Variants in DPP4 observed in about 807,000 individuals in gnomAD.
DPP4 encodes dipeptidyl peptidase 4, also known as ADCP-2.
DPP4 carries 93 observed loss-of-function variants against 122.4 expected under a neutral mutation model. The observed-to-expected ratio is 0.76, with a 90% CI of 0.64 to 0.90. DPP4 has a LOEUF of 0.90. Ranked by LOEUF, DPP4 falls within the 40% of genes least tolerant of loss-of-function variation. DPP4 has a pLI of 0.00. For missense variants in DPP4, 914 were observed against 907.3 expected (o/e 1.01, Z -0.09); for synonymous variants, 321 against 302.9 (o/e 1.06, Z -0.62).
chr2:162,045,261 A>G (rs945186628), intron 5 of DPP4, among the ~76,000 whole-genome samples: 5 of 152,324 alleles, frequency 3.3e-5, no homozygotes, highest in Admixed American at 2.6e-4. Flanking sequence ...GTGTAAGTAC[A>G]AATTTTTATT....
intron 10 of DPP4, among the ~76,000 whole-genome samples, chr2:162,028,521 T>C (rs747442291): frequency 1.8e-4 from 27 of 152,204 alleles, no homozygotes; most frequent in Non-Finnish European, 3.5e-4. Context: ...TGAGTAGCTT[T>C]CTTATGTAAT....
chr2:161,997,698 G>T (rs144690556), intron 23 of DPP4, among the ~76,000 whole-genome samples: 223 of 152,230 alleles, frequency 1.5e-3, no homozygotes, highest in African/African-American at 5.2e-3. Flanking sequence ...TGTGCCTGTC[G>T]CTGTGTTAAG....
chr2:162,051,062 A>C (rs1684365942), intron 2 of DPP4, among the ~76,000 whole-genome samples: 1 of 152,212 alleles, frequency 6.6e-6, no homozygotes, highest in Admixed American at 6.5e-5. Flanking sequence ...TCTTTAATTT[A>C]AAAATAAAAA....
At chr2:162,046,845 C>T (rs746012758) in intron 4 of DPP4, 70 bp downstream of exon 4, 51 of 989,354 alleles carry the variant, frequency 5.2e-5, no homozygotes, top group South Asian at 1.1e-4. Context: ...TGACAGTACT[C>T]GTGATTCCAA....
intron 23 of DPP4, among the ~76,000 whole-genome samples, chr2:162,003,196 G>A (rs986435560): frequency 1.3e-5 from 2 of 152,172 alleles, no homozygotes; most frequent in African/African-American, 2.4e-5. Context: ...CCCAGTGTGC[G>A]TGTGTTGCCA....
chr2:161,993,524 T>C, intron 25 of DPP4, 140 bp from the exon 26 acceptor site: 1 of 599,436 alleles, frequency 1.7e-6, no homozygotes, highest in Non-Finnish European at 2.9e-6. Flanking sequence ...GTTTATAAAC[T>C]GAAACGGGGT....
At chr2:162,043,280 G>A (rs560635443) in intron 5 of DPP4, among the ~76,000 whole-genome samples, 2 of 152,150 alleles carry the variant, frequency 1.3e-5, no homozygotes, top group Non-Finnish European at 2.9e-5. Context: ...GTGTTCAGCC[G>A]GGCAGACTGT....
At chr2:162,031,595 C>T (rs114874471) in intron 10 of DPP4, among the ~76,000 whole-genome samples, 2,833 of 152,166 alleles carry the variant, frequency 0.019, 31 homozygotes, top group African/African-American at 0.03. Context: ...CTGTTTTTTC[C>T]GCCTCAGTGT....
At chr2:162,027,631 G>A (rs1181926196) in intron 10 of DPP4, among the ~76,000 whole-genome samples, 1 of 152,164 alleles carries the variant, frequency 6.6e-6, no homozygotes, top group Non-Finnish European at 1.5e-5. Context: ...AAGTGCTCTG[G>A]TAGAGCGAAG....
At chr2:162,002,924 C>T (rs1383328014) in intron 23 of DPP4, among the ~76,000 whole-genome samples, 1 of 152,184 alleles carries the variant, frequency 6.6e-6, no homozygotes, top group Non-Finnish European at 1.5e-5. Context: ...CTCCACATTT[C>T]GGAGGAAGCA....
intron 6 of DPP4, 26 bp from the exon 7 acceptor site, chr2:162,039,047 T>C (rs1042126425): frequency 1.2e-6 from 2 of 1,612,950 alleles, no homozygotes; most frequent in East Asian, 4.5e-5. Context: ...AAGGAAATAT[T>C]ATCAAAAAGA....
Position 162,047,443 on chromosome 2 carries a change from AT to A in DPP4, c.152del (p.Asn51IlefsTer5). ...KTYTLTDYLK[N>X]TYRLKLYSLR... ...AGGAGTATAACTTCAGTCTATAAGT[AT>A]TTTTTAAGTAATCAGTTAGAGTGTA... is the stretch of plus-strand genomic sequence containing the variant. On this transcript the variant is annotated frameshift_variant, in exon 3 of 26. Coordinates refer to ENST00000360534, the MANE Select transcript of DPP4 (RefSeq NM_001935.4). LOFTEE classifies it high-confidence loss of function. 2 of 1,588,188 alleles carry A rather than the reference AT, an allele frequency of 1.3e-6. No homozygotes were observed. The highest frequency in any genetic ancestry group is 1.1e-5 in the South Asian group (1 of 87,564).
intron 23 of DPP4, among the ~76,000 whole-genome samples, chr2:162,002,247 T>C (rs930108081): frequency 6.6e-6 from 1 of 152,228 alleles, no homozygotes; most frequent in African/African-American, 2.4e-5. Context: ...TCTAATTCCC[T>C]TTCCTCAATG....
At chr2:162,042,193 C>G (rs1389907906) in intron 5 of DPP4, among the ~76,000 whole-genome samples, 1 of 152,194 alleles carries the variant, frequency 6.6e-6, no homozygotes, top group Non-Finnish European at 1.5e-5. Context: ...TCTAAGCTTC[C>G]ATTTTCTTTT....
intron 23 of DPP4, among the ~76,000 whole-genome samples, chr2:162,000,769 T>C (rs560069283): frequency 6.6e-6 from 1 of 152,322 alleles, no homozygotes; most frequent in Admixed American, 6.5e-5. Context: ...TTCTGTGTGT[T>C]CCAGGCTGCC....
At chr2:162,033,352 T>G (rs983336697) in intron 10 of DPP4, among the ~76,000 whole-genome samples, 189 bp downstream of exon 10, 2 of 152,178 alleles carry the variant, frequency 1.3e-5, no homozygotes, top group Non-Finnish European at 2.9e-5. Context: ...CATCCTCATC[T>G]CTAGAGTTGT....
intron 22 of DPP4, among the ~76,000 whole-genome samples, chr2:162,006,012 G>T (rs1187797993): frequency 6.6e-6 from 1 of 152,106 alleles, no homozygotes; most frequent in Admixed American, 6.6e-5. Flanking sequence ...TACTTGGTTT[G>T]CTAATATAGC....
At chr2:162,058,528 A>G (rs1559725266) in intron 2 of DPP4, among the ~76,000 whole-genome samples, 1 of 152,246 alleles carries the variant, frequency 6.6e-6, no homozygotes, top group Non-Finnish European at 1.5e-5. Flanking sequence ...CCAAGAGGTC[A>G]TCCTCAAGCT....
chr2:162,021,445 G>T (rs1683124086), intron 12 of DPP4: 1 of 152,188 alleles, frequency 6.6e-6, no homozygotes, highest in African/African-American at 2.4e-5. Context: ...TTACGATTTT[G>T]ATTTCCTAGC....
Sources: allele counts gnomAD v4.1 joint callset (sites outside exome capture counted in the v4.1 genomes callset), GRCh38; gene constraint gnomAD v4.1.1; transcripts MANE v1.5; gene names NCBI Gene and HGNC (gene_info 2026-07-23, HGNC 2026-07-21).